The following CFTR variants were observed in gnomAD, a reference collection of about 807,000 sequenced individuals.
CFTR encodes the protein cystic fibrosis transmembrane conductance regulator.
A neutral mutation model predicts 171.6 loss-of-function variants in CFTR; 181 were observed. That is an observed-to-expected ratio of 1.05 (90% CI 0.93 to 1.19). CFTR has a LOEUF of 1.19. CFTR is among the 50% of genes most tolerant of loss of function. The pLI is 0.00. For missense variants in CFTR, 1,968 were observed against 1,734.7 expected (o/e 1.13, Z -2.39); for synonymous variants, 583 against 608.0 (o/e 0.96, Z 0.60).
intron 1 of CFTR, among the ~76,000 whole-genome samples, chr7:117,501,764 AAAAAAAAGAAACAAAAAAAAAAAAAAAAC>A (rs1407118760): frequency 7.4e-5 from 11 of 149,502 alleles, no homozygotes; most frequent in Non-Finnish European, 1.2e-4. Context: ...AAAAAAAAAA[AAAAAAAAGAAACAAAAAAAAAAAAAAAAC>A]AAAAAGCAAA....
intron 1 of CFTR, among the ~76,000 whole-genome samples, chr7:117,496,011 A>T (rs1169292465): frequency 6.6e-6 from 1 of 152,176 alleles, no homozygotes; most frequent in Non-Finnish European, 1.5e-5. Context: ...CTCCATTCCT[A>T]TTAGCAGTCA....
At chr7:117,558,329 GC>G (rs1159369426) in intron 10 of CFTR, among the ~76,000 whole-genome samples, 3 of 151,952 alleles carry the variant, frequency 2.0e-5, no homozygotes, top group African/African-American at 7.3e-5. Context: ...TAAAATCAGT[GC>G]TTTTTCGAGG....
chr7:117,589,065 G>C (rs1438559788), intron 12 of CFTR, among the ~76,000 whole-genome samples: 1 of 152,020 alleles, frequency 6.6e-6, no homozygotes, highest in African/African-American at 2.4e-5. Flanking sequence ...TTAAGATTTG[G>C]TTTTGCTGTA....
At chr7:117,623,286 C>A (rs1306413358) in intron 21 of CFTR, among the ~76,000 whole-genome samples, 1 of 152,348 alleles carries the variant, frequency 6.6e-6, no homozygotes, top group Non-Finnish European at 1.5e-5. Context: ...TGGGTGTTGG[C>A]TATCATGAGA....
intron 3 of CFTR, among the ~76,000 whole-genome samples, chr7:117,520,560 AATGCCGTATTTTATAATAT>A (rs1798669772): frequency 6.6e-6 from 1 of 151,848 alleles, no homozygotes; most frequent in Non-Finnish European, 1.5e-5. Flanking sequence ...ACTGAATTAA[AATGCCGTATTTTATAATAT>A]ATTAAAGTAT....
chr7:117,625,232 A>G (rs1792634741), intron 21 of CFTR, among the ~76,000 whole-genome samples: 1 of 152,168 alleles, frequency 6.6e-6, no homozygotes, highest in South Asian at 2.1e-4. Context: ...GGGAGTTATA[A>G]TAGGCTGTCT....
At chr7:117,611,263 A>G (rs1792380611) in intron 19 of CFTR, among the ~76,000 whole-genome samples, 1 of 152,296 alleles carries the variant, frequency 6.6e-6, no homozygotes, top group South Asian at 2.1e-4. Context: ...AATTGTCTTA[A>G]AAGAAAATTT....
At chr7:117,501,770 AAGAAAC>A (rs1798332603) in intron 1 of CFTR, among the ~76,000 whole-genome samples, 3 of 145,700 alleles carry the variant, frequency 2.1e-5, no homozygotes, top group South Asian at 2.2e-4. Context: ...AAAAAAAAAA[AAGAAAC>A]AAAAAAAAAA....
At chr7:117,657,012 GC>G (rs1258925229) in intron 24 of CFTR, among the ~76,000 whole-genome samples, 1 of 152,050 alleles carries the variant, frequency 6.6e-6, no homozygotes, top group African/African-American at 2.4e-5. Context: ...ACAAACACAG[GC>G]GCTTTAAAGA....
At chr7:117,644,383 A>C (rs1792966087) in intron 23 of CFTR, among the ~76,000 whole-genome samples, 1 of 152,100 alleles carries the variant, frequency 6.6e-6, no homozygotes, top group Non-Finnish European at 1.5e-5. Flanking sequence ...TTGAAAGTTC[A>C]AATTAAGTAA....
rs1793357074 is a variant in CFTR, at chr7:117,665,406, A to G, written c.4137-53A>G. ...CAATAGACATATTATCAAGGTAAAT[A>G]CAGATCATTACTGTTCTGTGATATT... On this transcript the variant is annotated intron_variant, in intron 25 of 26. Transcript: ENST00000003084. 20 of 1,022,302 alleles carry G rather than the reference A, an allele frequency of 2.0e-5. 1 individual carries two copies. The South Asian group carries it at 2.6e-4, about 13-fold the overall frequency. 63.3% of individuals were successfully genotyped at this position (1,022,302 alleles called of 1,614,324 possible). A position where few individuals can be genotyped will look rare whatever the true frequency, so the allele number is the denominator to read the frequency against.
rs1194763712 is a variant in CFTR at position 117,611,811 on chromosome 7, A to G, written c.3367+3A>G. ...CTTCATTTCCATTTTAACAACAGGT[A>G]CTATGAACTCATTAACTTTAGCTAA... On this transcript the variant is annotated splice_donor_region_variant and intron_variant, in intron 20 of 26. Coordinates refer to ENST00000003084, the MANE Select transcript of CFTR (RefSeq NM_000492.4). 7.5e-6 allele frequency: 12 copies of G among 1,595,268 alleles called. No homozygotes were observed. Among genetic ancestry groups the G allele is most frequent in the African/African-American group, 1.3e-5 (1 of 74,548 alleles).
At chr7:117,649,983 A>C (rs1303200648) in intron 23 of CFTR, among the ~76,000 whole-genome samples, 1 of 152,108 alleles carries the variant, frequency 6.6e-6, no homozygotes, top group Non-Finnish European at 1.5e-5. Context: ...ATGTGTGAAG[A>C]AGCTGAGGGA....
chr7:117,585,170 TC>T (rs1028073402), intron 11 of CFTR, among the ~76,000 whole-genome samples: 15 of 151,990 alleles, frequency 9.9e-5, no homozygotes, highest in Admixed American at 4.6e-4. Flanking sequence ...TTTTTGCTTC[TC>T]CAATTTTCTT....
At chr7:117,519,910 C>G (rs1177333851) in intron 3 of CFTR, among the ~76,000 whole-genome samples, 1 of 151,872 alleles carries the variant, frequency 6.6e-6, no homozygotes, top group Non-Finnish European at 1.5e-5. Context: ...GTTCTTGACT[C>G]TCTACCTAAG....
chr7:117,602,695 G>A lies in CFTR; in HGVS notation c.2620-131G>A. The A allele has an allele frequency of 3.6e-6, 3 of 832,020 alleles. No homozygotes were observed. The South Asian group carries it at 4.0e-5, about 11-fold the overall frequency. The allele number at this position is 832,020 out of a possible 1,614,324, so 51.5% of individuals were successfully genotyped here. ...GCTGGACCCAGGAACACAAAGCAAA[G>A]GAAGATGAAATTGTGTGTACCTTGA... On this transcript the variant is annotated intron_variant, in intron 15 of 26. Transcript: ENST00000003084.
At chr7:117,541,136 G>A (rs1205541309) in intron 8 of CFTR, among the ~76,000 whole-genome samples, 2 of 152,168 alleles carry the variant, frequency 1.3e-5, no homozygotes, top group Non-Finnish European at 2.9e-5. Flanking sequence ...CTGAGACTAA[G>A]TGAGTTTGAG....
At chr7:117,640,214 A>C (rs982090827) in intron 22 of CFTR, among the ~76,000 whole-genome samples, 7 of 152,150 alleles carry the variant, frequency 4.6e-5, no homozygotes, top group African/African-American at 1.7e-4. Context: ...CAAATCCCGG[A>C]AACTAATTAT....
intron 3 of CFTR, among the ~76,000 whole-genome samples, chr7:117,509,878 T>C (rs1421087212): frequency 6.6e-6 from 1 of 152,204 alleles, no homozygotes; most frequent in African/African-American, 2.4e-5. Flanking sequence ...GTTAAAGCTG[T>C]GCACAATATT....
Sources: allele counts gnomAD v4.1 joint callset (sites outside exome capture counted in the v4.1 genomes callset), GRCh38; gene constraint gnomAD v4.1.1; transcripts MANE v1.5; gene names NCBI Gene and HGNC (gene_info 2026-07-23, HGNC 2026-07-21).